The following PATZ1 variants were observed in gnomAD, a reference collection of about 807,000 sequenced individuals.
PATZ1 encodes the protein POZ-, AT hook-, and zinc finger-containing protein 1.
Under a neutral mutation model 46.2 loss-of-function variants are expected in PATZ1, and 9 were observed. The observed-to-expected ratio is 0.19, with a 90% CI of 0.12 to 0.34. The LOEUF is 0.34. PATZ1 is among the 10% of genes least tolerant of loss of function. The pLI is 1.00. For synonymous variants in PATZ1, 426 were observed against 378.6 expected (o/e 1.13, Z -1.45); for missense variants, 632 against 923.0 (o/e 0.68, Z 4.08).
In PATZ1 at chr22:31,345,707, A is replaced by G. The variant is rs1310847081; in HGVS notation, c.-105T>C. The G allele has an allele frequency of 1.8e-6, 2 of 1,125,970 alleles. No individual in the cohort carries two copies. Among genetic ancestry groups the G allele is most frequent in the East Asian group, 5.3e-5 (2 of 37,844 alleles). 69.7% of individuals were successfully genotyped at this position (1,125,970 alleles called of 1,614,324 possible). On this transcript the variant is annotated 5_prime_UTR_variant, in exon 1 of 5. Transcript: ENST00000266269. This position sits in a 1 kb window ranked among gnomAD's most constrained non-coding sequence, Gnocchi z 7.4. ...CAGCAGACGTGTCCACACTCCCCAC[A>G]CGTGCCGGCCCGAGGCTCTGTAGTC...
At chr22:31,330,738 T>G (rs1381450313) in intron 3 of PATZ1, among the ~76,000 whole-genome samples, 2 of 152,210 alleles carry the variant, frequency 1.3e-5, no homozygotes, top group Admixed American at 6.5e-5. Context: ...CAAAAAAGTT[T>G]GTAACCTCCA....
chr22:31,331,967 G>A (rs999041038), intron 3 of PATZ1, among the ~76,000 whole-genome samples: 8 of 152,018 alleles, frequency 5.3e-5, no homozygotes, highest in African/African-American at 9.7e-5. Flanking sequence ...AAAATTAGCC[G>A]GGCGTGGTGG....
intron 2 of PATZ1, among the ~76,000 whole-genome samples, chr22:31,338,414 G>A (rs1569026739): frequency 1.3e-5 from 2 of 152,232 alleles, no homozygotes; most frequent in Non-Finnish European, 2.9e-5. Flanking sequence ...AAGGTGAACA[G>A]ATTTGTGCAA....
chr22:31,345,616 T>C lies in PATZ1; in HGVS notation c.-14A>G. 1 of 1,576,682 alleles carries C rather than the reference T, an allele frequency of 6.3e-7. No homozygotes were observed. The highest frequency in any genetic ancestry group is 1.1e-5 in the South Asian group (1 of 87,372). The stretch of plus-strand genomic sequence containing the variant: ...CACCCGCTCCATGGCCGCCGCCCCC[T>C]CCCACTAGCCCGGCCGCTGCACCTG... On this transcript the variant is annotated 5_prime_UTR_variant, in exon 1 of 5. Transcript: ENST00000266269. This position sits in a 1 kb window ranked among gnomAD's most constrained non-coding sequence, Gnocchi z 7.4.
At chr22:31,334,637 T>G (rs1342289296) in intron 3 of PATZ1, among the ~76,000 whole-genome samples, 1 of 152,086 alleles carries the variant, frequency 6.6e-6, no homozygotes, top group Non-Finnish European at 1.5e-5. Context: ...TTCACCTACC[T>G]TGTCTCCTGG....
intron 2 of PATZ1, among the ~76,000 whole-genome samples, chr22:31,342,143 C>T (rs1028726966): frequency 3.3e-5 from 5 of 152,062 alleles, no homozygotes; most frequent in South Asian, 2.1e-4. Context: ...GAGGTGTGTT[C>T]GCTATCCACA....
Position 31,344,601 on chromosome 22 carries a change from A to G in PATZ1, c.1002T>C (p.Asn334=), listed in dbSNP as rs762905449. The part of the protein sequence containing the change: ...IDLPPPRLGE[N]GLPISEDPDG... ...CGGGGTCTTCAGAGATGGGTAGCCC[A>G]TTCTCACCCAGCCTCGGAGGAGGAA... Residue 334 remains asparagine, a synonymous_variant, in exon 1 of 5, where the codon AAT becomes AAC. Coordinates refer to ENST00000266269, the MANE Select transcript of PATZ1 (RefSeq NM_014323.3). The G allele has an allele frequency of 1.2e-6, 2 of 1,614,098 alleles. No individual in the cohort carries two copies. Among genetic ancestry groups the G allele is most frequent in the East Asian group, 2.2e-5 (1 of 44,882 alleles).
chr22:31,341,438 G>C, intron 2 of PATZ1: 2 of 1,584,220 alleles, frequency 1.3e-6, no homozygotes, highest in Non-Finnish European at 1.7e-6. Flanking sequence ...AGGCCCTGCT[G>C]CCCTCTGGGG....
At chr22:31,331,002 T>C (rs376629923) in intron 3 of PATZ1, among the ~76,000 whole-genome samples, 1 of 152,242 alleles carries the variant, frequency 6.6e-6, no homozygotes, top group African/African-American at 2.4e-5. Context: ...CCTTTCCCAA[T>C]ACAGCTACTT....
chr22:31,330,007 G>A (rs1019216879), intron 3 of PATZ1, among the ~76,000 whole-genome samples: 3 of 152,172 alleles, frequency 2.0e-5, no homozygotes, highest in Non-Finnish European at 4.4e-5. Context: ...CTCATCATCA[G>A]GTGTTTCCAT....
At chr22:31,333,691 C>G (rs951749446) in intron 3 of PATZ1, among the ~76,000 whole-genome samples, 1 of 152,156 alleles carries the variant, frequency 6.6e-6, no homozygotes, top group African/African-American at 2.4e-5. Flanking sequence ...GGCCTGTGAT[C>G]CAGACCCAGT....
rs984063439 is a variant in PATZ1 at position 31,328,366 on chromosome 22, C to A, written c.1645+421G>T. 6.6e-6 allele frequency among the ~76,000 whole-genome samples: 1 copy of A among 152,210 alleles called. No homozygotes were observed. Among genetic ancestry groups the A allele is most frequent in the Non-Finnish European group, 1.5e-5 (1 of 68,036 alleles). ...TACTGTGAGAGAAGCCAGACATTGGCTCCCACCGGCCCACTGGGTCAAAAG... is the reference window on the plus strand; with the variant it reads ...TACTGTGAGAGAAGCCAGACATTGGATCCCACCGGCCCACTGGGTCAAAAG... On this transcript the variant is annotated intron_variant, in intron 4 of 4. Coordinates refer to ENST00000266269, the MANE Select transcript of PATZ1 (RefSeq NM_014323.3). The surrounding 1 kb of genome is among the most constrained non-coding windows in gnomAD (Gnocchi z 4.8).
Position 31,328,819 on chromosome 22 carries a change from G to A in PATZ1, c.1613C>T (p.Ala538Val), listed in dbSNP as rs1242620784. The A allele has an allele frequency of 9.9e-6, 16 of 1,613,358 alleles. No individual in the cohort carries two copies. Among genetic ancestry groups the A allele is most frequent in the Middle Eastern group, 1.7e-4 (1 of 5,786 alleles). The change falls in exon 4 of 5, where the codon GCG becomes GTG. Residue 538 changes from alanine to valine, a missense_variant. Coordinates refer to ENST00000266269, the MANE Select transcript of PATZ1 (RefSeq NM_014323.3). This position sits in a 1 kb window ranked among gnomAD's most constrained non-coding sequence, Gnocchi z 4.8. ...GCCATAGGTCCTGGCGCAGTGGAAC[G>A]CTGCTCCCCCATTCAGGATGGGCTC... The part of the protein sequence containing the change: ...HQEPILNGGA[A>V]FHCARTYGNK...
intron 3 of PATZ1, among the ~76,000 whole-genome samples, chr22:31,330,441 G>T (rs1047460019): frequency 2.4e-4 from 36 of 152,264 alleles, no homozygotes; most frequent in African/African-American, 8.7e-4. Context: ...GCAGGCACCT[G>T]TAAGCTGAGA....
intron 2 of PATZ1, chr22:31,340,583 T>C (rs1233937954): frequency 4.7e-6 from 3 of 631,750 alleles, no homozygotes; most frequent in Non-Finnish European, 6.0e-6. Context: ...GAGTGTATGT[T>C]GGGAGGGGCA....
intron 2 of PATZ1, 22 bp from the exon 3 acceptor site, chr22:31,335,885 G>A: frequency 3.7e-6 from 6 of 1,607,458 alleles, no homozygotes; most frequent in Non-Finnish European, 5.1e-6. Context: ...AAAGAAAATG[G>A]GATGATGTGA....
intron 1 of PATZ1, chr22:31,343,502 G>A (rs2049608875): frequency 1.1e-6 from 1 of 910,664 alleles, no homozygotes; most frequent in South Asian, 5.0e-5. Flanking sequence ...GGGGCTGCCT[G>A]ACCGGTAAGA....
chr22:31,345,979 A>G lies in PATZ1; in HGVS notation c.-377T>C. 1 of 219,776 alleles carries G rather than the reference A, an allele frequency of 4.6e-6. No homozygotes were observed. Among genetic ancestry groups the G allele is most frequent in the African/African-American group, 2.3e-5 (1 of 44,196 alleles). The allele number at this position is 219,776 out of a possible 1,614,324, so 13.6% of individuals were successfully genotyped here. A position where few individuals can be genotyped will look rare whatever the true frequency, so the allele number is the denominator to read the frequency against. ...GCCAGGCGGCGCCGGCGCGCAGCCA[A>G]GAAGGGCACGCGCACGCGGGGAGGA... On this transcript the variant is annotated 5_prime_UTR_variant, in exon 1 of 5. Transcript: ENST00000266269. This position sits in a 1 kb window ranked among gnomAD's most constrained non-coding sequence, Gnocchi z 7.4.
At chr22:31,340,197 C>T (rs2049562811) in intron 2 of PATZ1, among the ~76,000 whole-genome samples, 1 of 152,180 alleles carries the variant, frequency 6.6e-6, no homozygotes, top group Non-Finnish European at 1.5e-5. Context: ...ACACTCAGGC[C>T]AAGTCCCAAA....
Sources: allele counts gnomAD v4.1 joint callset (sites outside exome capture counted in the v4.1 genomes callset), GRCh38; gene constraint gnomAD v4.1.1; non-coding constraint Gnocchi (gnomAD v3.1); transcripts MANE v1.5; gene names NCBI Gene and HGNC (gene_info 2026-07-23, HGNC 2026-07-21).